PTPRJ: variants seen among roughly 807,000 people sequenced by gnomAD.
PTPRJ encodes the protein receptor-type tyrosine-protein phosphatase eta.
In PTPRJ, 129 loss-of-function variants were observed where a neutral mutation model predicts 141.3. The observed-to-expected ratio is 0.91, with a 90% CI of 0.79 to 1.06. The LOEUF (loss-of-function observed/expected upper bound fraction) is 1.06, where lower values mean the gene tolerates loss of function less well. Among genes scored for constraint, PTPRJ ranks in the 50% least tolerant of loss-of-function variants. The pLI is 0.00. For missense variants in PTPRJ, 1,601 were observed against 1,679.7 expected, an observed-to-expected ratio of 0.95 and a Z score of 0.82; for synonymous variants, 610 against 640.5, an observed-to-expected ratio of 0.95 and a Z score of 0.72.
chr11:48,078,081 C>T lies in PTPRJ; in HGVS notation c.97-31977C>T, dbSNP rs185427299. Among the ~76,000 whole-genome samples, 378 of 142,580 alleles carry T rather than the reference C, an allele frequency of 2.7e-3. 4 individuals carry two copies. Among genetic ancestry groups the T allele is most frequent in the Non-Finnish European group, 3.7e-3 (241 of 65,902 alleles). 93.5% of individuals were successfully genotyped at this position (142,580 alleles called of 152,430 possible). On this transcript the variant is annotated intron_variant, in intron 1 of 24. Transcript: ENST00000418331. ...TCTTTTTCTTTTTTTTTTTTTGAGG[C>T]GGAGTCTTGCTCTGTTTCCCAGGCT...
At chr11:48,017,008 C>T (rs148519356) in intron 1 of PTPRJ, among the ~76,000 whole-genome samples, 103 of 152,152 alleles carry the variant, frequency 6.8e-4, no homozygotes, top group African/African-American at 2.4e-3. Context: ...AATCCTCCCA[C>T]CTCGGTTCCC....
At position 48,115,800 on chromosome 11, in the gene PTPRJ, TG is replaced by T. The variant is rs577839261; in HGVS notation, c.352+2819del. On this transcript the variant is annotated intron_variant, in intron 3 of 24. Transcript: ENST00000418331. ...AACAATTCATAATATGAGTGGGGAA[TG>T]GACTAGAAGTGTAGAGGTCAATTTG... Among the ~76,000 whole-genome samples, 852 of 152,294 alleles carry T rather than the reference TG, an allele frequency of 5.6e-3. 12 individuals are homozygous for T. Among genetic ancestry groups the T allele is most frequent in the African/African-American group, 0.02 (826 of 41,584 alleles).
chr11:48,091,842 C>G (rs1318014644), intron 1 of PTPRJ, among the ~76,000 whole-genome samples: 1 of 152,184 alleles, frequency 6.6e-6, no homozygotes, highest in Non-Finnish European at 1.5e-5. Context: ...ACGATCCAAA[C>G]CTGTTTTCTG....
chr11:48,116,316 A>G (rs1343298448), intron 3 of PTPRJ, among the ~76,000 whole-genome samples: 1 of 152,236 alleles, frequency 6.6e-6, no homozygotes, highest in Non-Finnish European at 1.5e-5. Context: ...AAAACTTTTA[A>G]TGGAGACAAC....
Position 47,980,926 on chromosome 11 carries a change from C to T in PTPRJ, c.14C>T (p.Ala5Val). The T allele has an allele frequency of 8.5e-7, 1 of 1,173,772 alleles. No individual in the cohort carries two copies. Among genetic ancestry groups the T allele is most frequent in the Non-Finnish European group, 1.1e-6 (1 of 951,526 alleles). 72.7% of individuals were successfully genotyped at this position (1,173,772 alleles called of 1,614,324 possible). A position where few individuals can be genotyped will look rare whatever the true frequency, so the allele number is the denominator to read the frequency against. Reference sequence around the variant, plus strand: ...GGCGCGCGGGGCATGAAGCCGGCGGCGCGGGAGGCGCGGCTGCCTCCGCGC... The same window carrying T: ...GGCGCGCGGGGCATGAAGCCGGCGGTGCGGGAGGCGCGGCTGCCTCCGCGC... MKPA[A>V]REARLPPRSP... Residue 5 changes from alanine (A) to valine (V), a missense_variant, in exon 1 of 25, where the codon GCG (alanine) becomes GTG (valine). Ala to Val is a moderately conservative substitution (Grantham distance 64, BLOSUM62 0). Transcript: ENST00000418331.
chr11:48,100,284 G>C (rs1856119232), intron 1 of PTPRJ, among the ~76,000 whole-genome samples: 1 of 152,178 alleles, frequency 6.6e-6, no homozygotes, highest in Admixed American at 6.5e-5. Flanking sequence ...CTTCTGTGTT[G>C]CAGAGATACC....
At chr11:48,092,590 T>C (rs1969093) in intron 1 of PTPRJ, among the ~76,000 whole-genome samples, 112,202 of 151,724 alleles carry the variant, frequency 0.74, 42,213 homozygotes, top group South Asian at 0.84. Context: ...CTACCACACC[T>C]GGCTAATTTT....
intron 1 of PTPRJ, among the ~76,000 whole-genome samples, chr11:47,981,246 C>G (rs1015820672): frequency 9.9e-5 from 15 of 152,108 alleles, no homozygotes; most frequent in African/African-American, 2.4e-4. Context: ...CCGCGGTGCC[C>G]GAGCCTCCCG....
At position 48,121,080 on chromosome 11, in the gene PTPRJ, A is replaced by G. The variant is rs763290257; in HGVS notation, c.430A>G (p.Thr144Ala). 1 of 1,613,884 alleles carries G rather than the reference A, an allele frequency of 6.2e-7. No individual in the cohort carries two copies. Among genetic ancestry groups the G allele is most frequent in the South Asian group, 1.1e-5 (1 of 91,074 alleles). ...NVILTWKSND[T>A]AASEYKYVVK... ...GATCTTAACTTGGAAAAGTAATGACACAGCTGCTTCTGAGTACAAGTATGT... is the reference window on the plus strand; with the variant it reads ...GATCTTAACTTGGAAAAGTAATGACGCAGCTGCTTCTGAGTACAAGTATGT... Residue 144 changes from threonine to alanine, a missense_variant, in exon 4 of 25, where the codon ACA becomes GCA. Physicochemically the swap from Thr to Ala is moderately conservative, Grantham distance 58. Coordinates refer to ENST00000418331, the MANE Select transcript of PTPRJ (RefSeq NM_002843.4).
chr11:48,118,324 AC>A, intron 3 of PTPRJ, among the ~76,000 whole-genome samples: 1 of 151,868 alleles, frequency 6.6e-6, no homozygotes, highest in East Asian at 1.9e-4. Context: ...GCCTCAAGTG[AC>A]CCCCACCACC....
chr11:48,161,890 G>T (rs1209066542), intron 22 of PTPRJ, among the ~76,000 whole-genome samples: 1 of 152,154 alleles, frequency 6.6e-6, no homozygotes, highest in Non-Finnish European at 1.5e-5. Context: ...TAGGATTACA[G>T]GTGGGAGTCA....
chr11:48,144,534 A>G (rs972609421), intron 12 of PTPRJ, 141 bp from the exon 13 acceptor site: 1 of 671,900 alleles, frequency 1.5e-6, no homozygotes, highest in Non-Finnish European at 2.5e-6. Flanking sequence ...AATTCAATGT[A>G]AGTCAAACCT....
intron 1 of PTPRJ, among the ~76,000 whole-genome samples, chr11:48,071,042 T>C (rs1855232695): frequency 6.6e-6 from 1 of 152,194 alleles, no homozygotes; most frequent in South Asian, 2.1e-4. Flanking sequence ...AAGTATATTA[T>C]TACTTATTTT....
intron 6 of PTPRJ, among the ~76,000 whole-genome samples, chr11:48,126,489 G>A (rs1856833842): frequency 6.6e-6 from 1 of 152,022 alleles, no homozygotes; most frequent in Non-Finnish European, 1.5e-5. Flanking sequence ...TATTTCTCAG[G>A]GTTCTGGAGG....
chr11:48,133,089 A>G (rs1857017524), intron 8 of PTPRJ, among the ~76,000 whole-genome samples: 1 of 152,204 alleles, frequency 6.6e-6, no homozygotes, highest in African/African-American at 2.4e-5. Context: ...GAGTGCTCTC[A>G]TACTGCATTT....
intron 1 of PTPRJ, among the ~76,000 whole-genome samples, chr11:48,003,764 G>A (rs1188269218): frequency 6.6e-6 from 1 of 152,076 alleles, no homozygotes; most frequent in South Asian, 2.1e-4. Context: ...TCAAAGTGTT[G>A]GGATTACAGG....
chr11:48,094,022 T>G (rs904620244), intron 1 of PTPRJ, among the ~76,000 whole-genome samples: 41 of 152,184 alleles, frequency 2.7e-4, no homozygotes, highest in Admixed American at 3.9e-4. Context: ...CCAGCCCTTC[T>G]TTTTCCCTGG....
intron 1 of PTPRJ, among the ~76,000 whole-genome samples, chr11:48,082,121 C>CT (rs1174816086): frequency 5.3e-5 from 8 of 152,224 alleles, no homozygotes; most frequent in Admixed American, 2.0e-4. Context: ...AGTCCCATCT[C>CT]TCTTTTGTCT....
At chr11:48,041,812 A>C (rs145735655) in intron 1 of PTPRJ, among the ~76,000 whole-genome samples, 21 of 151,770 alleles carry the variant, frequency 1.4e-4, no homozygotes, top group African/African-American at 5.1e-4. Flanking sequence ...TTTTGTAGAG[A>C]TGGGGTTTTG....
Sources: allele counts gnomAD v4.1 joint callset (sites outside exome capture counted in the v4.1 genomes callset), GRCh38; gene constraint gnomAD v4.1.1; transcripts MANE v1.5; gene names NCBI Gene and HGNC (gene_info 2026-07-23, HGNC 2026-07-21).